SH3BP2: variants seen among roughly 807,000 people sequenced by gnomAD.
The protein encoded by SH3BP2 is SH3 domain-binding protein 2.
SH3BP2 carries 38 observed loss-of-function variants against 56.2 expected under a neutral mutation model. That is an observed-to-expected ratio of 0.68 (90% confidence interval 0.52 to 0.89). The LOEUF (loss-of-function observed/expected upper bound fraction) is 0.89. Ranked by LOEUF, SH3BP2 falls within the 40% of genes least tolerant of loss-of-function variation. SH3BP2 has a pLI of 0.00. For synonymous variants in SH3BP2, 346 were observed against 316.7 expected, an observed-to-expected ratio of 1.09 and a Z score of -0.98; for missense variants, 748 against 762.6, an observed-to-expected ratio of 0.98 and a Z score of 0.23.
At chr4:2,800,645 G>T (rs1723235420) in intron 1 of SH3BP2, among the ~76,000 whole-genome samples, 1 of 152,150 alleles carries the variant, frequency 6.6e-6, no homozygotes, top group East Asian at 1.9e-4. Context: ...GGTGCAGGGA[G>T]GCTGGGCAGG....
At chr4:2,832,060 T>C in intron 10 of SH3BP2, 82 bp downstream of exon 10, 3 of 1,441,248 alleles carry the variant, frequency 2.1e-6, no homozygotes, top group South Asian at 1.2e-5. Flanking sequence ...AGCTTCCGTG[T>C]TGGGGAGTTG....
chr4:2,824,044 C>G lies in SH3BP2; in HGVS notation c.240-569C>G, dbSNP rs193159308. On this transcript the variant is annotated intron_variant, in intron 3 of 12. Coordinates refer to ENST00000503393, the MANE Select transcript of SH3BP2 (RefSeq NM_001122681.2). ...AATCATGCCCCAGGGAATTGTCTAG[C>G]CCATCAGGGAATGCTGGGCCTGAGG... is the stretch of plus-strand genomic sequence containing the variant. Among the ~76,000 whole-genome samples, 829 of 152,262 alleles carry G rather than the reference C, an allele frequency of 5.4e-3. 15 individuals are homozygous for G. The highest frequency in any genetic ancestry group is 0.019 in the African/African-American group (774 of 41,592).
rs978611802 is a variant in SH3BP2 at position 2,839,174 on chromosome 4, C to CTT, written c.*5352_*5353dup. On this transcript the variant is annotated 3_prime_UTR_variant, in exon 13 of 13. Transcript: ENST00000503393. ...CTTGTTGTCTTTTTCTTTTTCTTTT[C>CTT]TTTTTTTTTTTTTCTGAGACAGGGT... is the stretch of plus-strand genomic sequence containing the variant. 2.8e-5 allele frequency: 4 copies of CTT among 143,134 alleles called. No individual in the cohort carries two copies. The highest frequency in any genetic ancestry group is 4.6e-5 in the Non-Finnish European group (3 of 65,100). The allele number at this position is 143,134 out of a possible 1,614,324, so 8.9% of individuals were successfully genotyped here.
intron 7 of SH3BP2, among the ~76,000 whole-genome samples, chr4:2,828,247 A>T (rs964647337): frequency 6.6e-6 from 1 of 150,378 alleles, no homozygotes. Flanking sequence ...CATCTTGTCA[A>T]TTTCCTCATG....
rs778930858 is a variant in SH3BP2 at position 2,834,151 on chromosome 4, C to T, written c.*317C>T. The T allele has an allele frequency of 3.1e-6, 1 of 327,122 alleles. No homozygotes were observed. The highest frequency in any genetic ancestry group is 4.8e-5 in the South Asian group (1 of 20,700). 20.3% of individuals were successfully genotyped at this position (327,122 alleles called of 1,614,324 possible). ...GGAACACTGGTCCCCCCATCACACT[C>T]ACCCCTAAGTGGGCTGGGAGCCAGG... On this transcript the variant is annotated 3_prime_UTR_variant, in exon 13 of 13. Coordinates refer to ENST00000503393, the MANE Select transcript of SH3BP2 (RefSeq NM_001122681.2).
chr4:2,812,571 C>G, intron 1 of SH3BP2: 1 of 1,449,526 alleles, frequency 6.9e-7, no homozygotes, highest in Non-Finnish European at 9.3e-7. Context: ...GAGCCACAGC[C>G]TTCCTCGGGG....
chr4:2,827,674 G>T lies in SH3BP2; in HGVS notation c.586G>T (p.Asp196Tyr). ...PDSPEPGRLEDALMHPPAYPP... is the reference protein window; with the variant it reads ...PDSPEPGRLEYALMHPPAYPP... ...CTCCCCGGAGCCCGGAAGGCTTGAG[G>T]GTAGGTGGGGCGGGTGGGCCCGGGG... Residue 196 changes from aspartate to tyrosine, a missense_variant and splice_region_variant, in exon 7 of 13, where the codon GAT becomes TAT. Asp to Tyr is a radical substitution (Grantham distance 160). This residue lies in a region of SH3BP2 where 635 missense variants were observed against 615.0 expected (regional missense o/e 1.03). Transcript: ENST00000503393. 1.9e-6 allele frequency: 3 copies of T among 1,583,736 alleles called. No individual in the cohort carries two copies. Among genetic ancestry groups the T allele is most frequent in the Non-Finnish European group, 2.6e-6 (3 of 1,164,112 alleles).
Position 2,831,895 on chromosome 4 carries a change from T to A in SH3BP2, c.1351-28T>A. The A allele has an allele frequency of 1.2e-6, 2 of 1,611,220 alleles. No individual in the cohort carries two copies. Among genetic ancestry groups the A allele is most frequent in the Non-Finnish European group, 1.7e-6 (2 of 1,179,388 alleles). On this transcript the variant is annotated intron_variant, in intron 9 of 12. Transcript: ENST00000503393. The surrounding 1 kb of genome is among the most constrained non-coding windows in gnomAD (Gnocchi z 4.1). ...TGGTGCGGGTGGATCACTCCGACGT[T>A]GGCACTGACACCGTCAGCCTCTTGC...
chr4:2,830,953 C>A (rs1577369348), intron 8 of SH3BP2, among the ~76,000 whole-genome samples: 1 of 152,264 alleles, frequency 6.6e-6, no homozygotes, highest in Non-Finnish European at 1.5e-5. Flanking sequence ...CAGCCCTTGT[C>A]ACACTCGTGG....
At chr4:2,828,391 A>C (rs2282770) in intron 7 of SH3BP2, among the ~76,000 whole-genome samples, 119,447 of 151,492 alleles carry the variant, frequency 0.79, 47,930 homozygotes, top group African/African-American at 0.95. Flanking sequence ...CCTCCCATCC[A>C]CTCCCACCTT....
chr4:2,834,108 G>A lies in SH3BP2; in HGVS notation c.*274G>A. ...TCCCAGAAACCCAGGACCAAGCTGTGCCTGGGCTCCAAGGACAGGAACACT... is the reference window on the plus strand; with the variant it reads ...TCCCAGAAACCCAGGACCAAGCTGTACCTGGGCTCCAAGGACAGGAACACT... On this transcript the variant is annotated 3_prime_UTR_variant, in exon 13 of 13. Coordinates refer to ENST00000503393, the MANE Select transcript of SH3BP2 (RefSeq NM_001122681.2). 1 of 456,576 alleles carries A rather than the reference G, an allele frequency of 2.2e-6. No individual in the cohort carries two copies. The highest frequency in any genetic ancestry group is 3.7e-5 in the East Asian group (1 of 26,926). 28.3% of individuals were successfully genotyped at this position (456,576 alleles called of 1,614,324 possible).
chr4:2,818,979 G>C (rs2108723760), intron 1 of SH3BP2: 1 of 851,832 alleles, frequency 1.2e-6, no homozygotes, highest in Admixed American at 6.2e-5. Context: ...CAGTTGCCCA[G>C]ACTGGAGAGC....
chr4:2,826,592 CTGTGTGTTG>C (rs1560108323), intron 5 of SH3BP2: 1 of 246,694 alleles, frequency 4.1e-6, no homozygotes, highest in Non-Finnish European at 7.4e-6. Context: ...GTGTGCATGT[CTGTGTGTTG>C]CTCTGTGTTT....
In SH3BP2 at chr4:2,833,793, C is replaced by T; in HGVS notation, c.1645C>T (p.Leu549=). 2.5e-6 allele frequency: 4 copies of T among 1,594,724 alleles called. No individual in the cohort carries two copies. Among genetic ancestry groups the T allele is most frequent in the Non-Finnish European group, 3.4e-6 (4 of 1,170,446 alleles). Residue 549 remains leucine, a synonymous_variant, in exon 13 of 13, where the codon CTG becomes TTG. Coordinates refer to ENST00000503393, the MANE Select transcript of SH3BP2 (RefSeq NM_001122681.2). Reference sequence around the variant, plus strand: ...CCACGTGCTGCCCAGCCACCAGAGCCTGCTGCTGCGGCACCCCTACGGCTA... The same window carrying T: ...CCACGTGCTGCCCAGCCACCAGAGCTTGCTGCTGCGGCACCCCTACGGCTA... The part of the protein sequence containing the change: ...HTHVLPSHQS[L]LLRHPYGYTG...
chr4:2,794,641 A>T (rs1723003448), intron 1 of SH3BP2, among the ~76,000 whole-genome samples: 1 of 152,248 alleles, frequency 6.6e-6, no homozygotes, highest in Non-Finnish European at 1.5e-5. Context: ...AGCCAGGGCC[A>T]TCTGGTGAGA....
intron 1 of SH3BP2, among the ~76,000 whole-genome samples, chr4:2,809,584 C>G (rs1349944798): frequency 1.3e-5 from 2 of 152,216 alleles, no homozygotes; most frequent in Non-Finnish European, 2.9e-5. Flanking sequence ...CCCAGAGATG[C>G]AGATGGCAAC....
intron 1 of SH3BP2, chr4:2,818,292 G>A: frequency 1.9e-6 from 2 of 1,051,188 alleles, no homozygotes; most frequent in Non-Finnish European, 2.3e-6. Flanking sequence ...ACGAGGCGGC[G>A]GCGGCCGGGG....
chr4:2,820,299 C>T (rs1279578884), intron 1 of SH3BP2, among the ~76,000 whole-genome samples: 1 of 152,220 alleles, frequency 6.6e-6, no homozygotes, highest in Non-Finnish European at 1.5e-5. Context: ...TACCCAGCCC[C>T]CGTGGGGCCT....
In SH3BP2 at chr4:2,812,702, G is replaced by A. The variant is rs145414970; in HGVS notation, c.-4-7912G>A. Among the ~76,000 whole-genome samples the A allele has an allele frequency of 6.0e-3, 905 of 151,720 alleles. 12 individuals carry two copies. Among genetic ancestry groups the A allele is most frequent in the African/African-American group, 0.021 (874 of 41,544 alleles). On this transcript the variant is annotated intron_variant, in intron 1 of 12. Transcript: ENST00000503393. ...CTGGCAGGCACAGGGGGAGGCCAGAGAGGGAATGTGATACTTAGAACCCCC... is the reference window on the plus strand; with the variant it reads ...CTGGCAGGCACAGGGGGAGGCCAGAAAGGGAATGTGATACTTAGAACCCCC...
Sources: allele counts gnomAD v4.1 joint callset (sites outside exome capture counted in the v4.1 genomes callset), GRCh38; gene constraint gnomAD v4.1.1; regional missense constraint gnomAD v4.1.1; non-coding constraint Gnocchi (gnomAD v3.1); transcripts MANE v1.5; gene names NCBI Gene and HGNC (gene_info 2026-07-23, HGNC 2026-07-21).